Variants in RBFOX1 observed in about 807,000 individuals in gnomAD.
RBFOX1 encodes the protein RNA binding protein fox-1 homolog 1.
In RBFOX1, 8 loss-of-function variants were observed where a neutral mutation model predicts 57.7. The observed-to-expected ratio is 0.14, with a 90% confidence interval of 0.08 to 0.25. The LOEUF (loss-of-function observed/expected upper bound fraction) is 0.25, where lower values mean the gene tolerates loss of function less well. RBFOX1 is among the 10% of genes least tolerant of loss of function. RBFOX1 has a pLI of 1.00. For synonymous variants in RBFOX1, 326 were observed against 222.4 expected (o/e 1.47, Z -4.15); for missense variants, 611 against 548.5 (o/e 1.11, Z -1.14).
At chr16:6,950,590 A>G (rs375051791) in intron 3 of RBFOX1, among the ~76,000 whole-genome samples, 31 of 152,310 alleles carry the variant, frequency 2.0e-4, no homozygotes, top group African/African-American at 7.5e-4. Flanking sequence ...CATAGCATTA[A>G]GATAATACAA....
chr16:7,404,861 G>C (rs1039055420), intron 4 of RBFOX1, among the ~76,000 whole-genome samples: 1 of 152,124 alleles, frequency 6.6e-6, no homozygotes, highest in Non-Finnish European at 1.5e-5. Context: ...TTATGAATTG[G>C]GTGAGGGGTG....
At chr16:6,836,454 C>T (rs1256910220) in intron 3 of RBFOX1, among the ~76,000 whole-genome samples, 1 of 152,196 alleles carries the variant, frequency 6.6e-6, no homozygotes, top group African/African-American at 2.4e-5. Flanking sequence ...GGGGATTCTG[C>T]TTAGCTCTGT....
chr16:6,993,797 T>C (rs546810615), intron 3 of RBFOX1, among the ~76,000 whole-genome samples: 53 of 152,336 alleles, frequency 3.5e-4, no homozygotes, highest in African/African-American at 1.3e-3. Context: ...GCATGGAAAC[T>C]GTATTGCTGC....
chr16:5,704,417 TG>T (rs1218977499), intron 3 of RBFOX1, among the ~76,000 whole-genome samples: 1 of 151,908 alleles, frequency 6.6e-6, no homozygotes, highest in African/African-American at 2.4e-5. Context: ...CAGGGAGTGG[TG>T]GGGTGTGATT....
intron 1 of RBFOX1, among the ~76,000 whole-genome samples, chr16:6,021,058 C>G (rs2152351647): frequency 6.6e-6 from 1 of 152,332 alleles, no homozygotes; most frequent in Admixed American, 6.5e-5. Context: ...CTTGGAAATC[C>G]TGGTCAGGCA....
chr16:7,566,050 A>G (rs1227910933), intron 5 of RBFOX1, among the ~76,000 whole-genome samples: 1 of 152,196 alleles, frequency 6.6e-6, no homozygotes, highest in African/African-American at 2.4e-5. Context: ...GATATAGTGC[A>G]TCTGATACAG....
chr16:6,914,294 C>G (rs1400399124), intron 3 of RBFOX1, among the ~76,000 whole-genome samples: 1 of 152,086 alleles, frequency 6.6e-6, no homozygotes, highest in Non-Finnish European at 1.5e-5. Flanking sequence ...ATTATAATTT[C>G]CGGGCTAGGA....
At chr16:7,227,313 G>C (rs1047264137) in intron 4 of RBFOX1, among the ~76,000 whole-genome samples, 1 of 107,400 alleles carries the variant, frequency 9.3e-6, no homozygotes, top group African/African-American at 2.8e-5. Flanking sequence ...CACACAGCAA[G>C]GGAGGAATTT....
At position 5,669,547 on chromosome 16, in the gene RBFOX1, G is replaced by T. The variant is rs544921174; in HGVS notation, c.318+70586G>T. Among the ~76,000 whole-genome samples, 231 of 149,952 alleles carry T rather than the reference G, an allele frequency of 1.5e-3. 1 individual carries two copies. The highest frequency in any genetic ancestry group is 3.4e-3 in the Middle Eastern group (1 of 290). ...CAATTCTCCTGCCTCAGCCTGCCAA[G>T]TAGCCGGGATTGCAGGCATGCACCA... On this transcript the variant is annotated intron_variant, in intron 3 of 19. Transcript: ENST00000641259.
Position 6,261,647 on chromosome 16 carries a change from C to T in RBFOX1, c.-126-55348C>T, listed in dbSNP as rs190473847. Among the ~76,000 whole-genome samples the T allele has an allele frequency of 5.4e-3, 376 of 69,882 alleles. 1 individual carries two copies. The highest frequency in any genetic ancestry group is 0.017 in the Non-Finnish European group (302 of 17,528). The allele number at this position is 69,882 out of a possible 152,430, so 45.8% of individuals were successfully genotyped here. On this transcript the variant is annotated intron_variant, in intron 1 of 15. Coordinates refer to ENST00000550418, the MANE Select transcript of RBFOX1 (RefSeq NM_018723.4). Reference sequence around the variant, plus strand: ...GTGTTTTCTTTGCCCATTGGATCAGCGAGGCTGTGAGTGACAGAAAACTCA... The same window carrying T: ...GTGTTTTCTTTGCCCATTGGATCAGTGAGGCTGTGAGTGACAGAAAACTCA...
At chr16:7,575,203 C>T (rs943621125) in intron 5 of RBFOX1, among the ~76,000 whole-genome samples, 2 of 151,886 alleles carry the variant, frequency 1.3e-5, no homozygotes, top group African/African-American at 4.8e-5. Flanking sequence ...GGCACGATCT[C>T]GGCTCATTGT....
At chr16:7,489,348 C>G (rs907679458) in intron 4 of RBFOX1, among the ~76,000 whole-genome samples, 2 of 152,132 alleles carry the variant, frequency 1.3e-5, no homozygotes, top group African/African-American at 4.8e-5. Flanking sequence ...CATAATTGTT[C>G]TTAAAATAGC....
chr16:6,792,939 G>C (rs763292817), intron 3 of RBFOX1, among the ~76,000 whole-genome samples: 5 of 151,266 alleles, frequency 3.3e-5, no homozygotes, highest in Non-Finnish European at 5.9e-5. Context: ...CTGAGGCAGA[G>C]AATTGCTTGA....
chr16:6,540,279 G>C (rs8060408), intron 2 of RBFOX1, among the ~76,000 whole-genome samples: 68,039 of 150,936 alleles, frequency 0.45, 15,700 homozygotes, highest in Non-Finnish European at 0.5. Context: ...TTCTTTATTC[G>C]TAGATAGCCA....
intron 4 of RBFOX1, among the ~76,000 whole-genome samples, chr16:7,342,539 G>T (rs2096918345): frequency 6.6e-6 from 1 of 152,186 alleles, no homozygotes; most frequent in Non-Finnish European, 1.5e-5. Flanking sequence ...TGGAGTTATT[G>T]AATGTTCATT....
chr16:5,397,479 G>A (rs1383212537), intron 1 of RBFOX1, among the ~76,000 whole-genome samples: 1 of 152,206 alleles, frequency 6.6e-6, no homozygotes, highest in African/African-American at 2.4e-5. Flanking sequence ...CCAAGTCTAT[G>A]GACGGCGGAG....
chr16:6,937,316 G>A (rs993319827), intron 3 of RBFOX1, among the ~76,000 whole-genome samples: 6 of 151,922 alleles, frequency 3.9e-5, no homozygotes, highest in African/African-American at 1.2e-4. Context: ...CACATCCCCC[G>A]AACAACCACC....
chr16:7,403,775 A>T (rs568964007), intron 4 of RBFOX1, among the ~76,000 whole-genome samples: 1 of 152,096 alleles, frequency 6.6e-6, no homozygotes, highest in South Asian at 2.1e-4. Context: ...CGAACTCCTG[A>T]CCTCAGGTGA....
chr16:6,762,491 G>C (rs1163858576), intron 3 of RBFOX1, among the ~76,000 whole-genome samples: 1 of 152,120 alleles, frequency 6.6e-6, no homozygotes, highest in African/African-American at 2.4e-5. Flanking sequence ...TTTTGGATTA[G>C]TTTATGGCTC....
Sources: gnomAD v4.1 joint callset for allele counts (sites outside exome capture counted in the v4.1 genomes callset) on GRCh38, gnomAD v4.1.1 for gene constraint, MANE v1.5 for transcripts, NCBI Gene and HGNC (gene_info 2026-07-23, HGNC 2026-07-21) for gene names.